CT45A1: variants seen among roughly 807,000 people sequenced by gnomAD.
The protein encoded by CT45A1 is cancer/testis antigen family 45 member A1.
chrX:135,708,672 T>G (rs1172255352), upstream of CT45A1, among the ~76,000 whole-genome samples: 3 of 111,480 alleles, frequency 2.7e-5, no homozygotes, highest in African/African-American at 9.8e-5. Flanking sequence ...CGCTTCGTGT[T>G]CCTTATTTAG....
At chrX:135,718,129 A>AT (rs552593820) in intron 1 of CT45A1, among the ~76,000 whole-genome samples, 24 of 112,198 alleles carry the variant, frequency 2.1e-4, no homozygotes, top group Admixed American at 1.4e-3. Flanking sequence ...TTAAACATTG[A>AT]CCATGTATGA....
chrX:135,716,734 C>A (rs1363606499), intron 1 of CT45A1, among the ~76,000 whole-genome samples: 1 of 111,180 alleles, frequency 9.0e-6, no homozygotes, highest in African/African-American at 3.3e-5. Flanking sequence ...ACATCTTTGC[C>A]TATACTATAG....
At chrX:135,717,728 A>C (rs1275961532) in intron 1 of CT45A1, among the ~76,000 whole-genome samples, 1 of 111,414 alleles carries the variant, frequency 9.0e-6, no homozygotes, top group Non-Finnish European at 1.9e-5. Context: ...TTGAAATCTC[A>C]TATTCTAATT....
chrX:135,711,560 G>A (rs1327612218), upstream of CT45A1, among the ~76,000 whole-genome samples: 7 of 110,926 alleles, frequency 6.3e-5, no homozygotes, highest in Admixed American at 9.6e-5. Context: ...TCTGCCTCCC[G>A]AGTAGCTGGG....
chrX:135,717,883 T>A (rs1444837120), intron 1 of CT45A1, among the ~76,000 whole-genome samples: 2 of 112,099 alleles, frequency 1.8e-5, no homozygotes, highest in African/African-American at 3.2e-5. Context: ...GACAGTTTTA[T>A]TTCTTTCCAA....
chrX:135,709,076 C>A (rs2087921325), upstream of CT45A1, among the ~76,000 whole-genome samples: 1 of 111,939 alleles, frequency 8.9e-6, no homozygotes. Flanking sequence ...AAACATTCAC[C>A]TAATTAATAT....
At chrX:135,713,295 T>C (rs1394104354), upstream of CT45A1, among the ~76,000 whole-genome samples, 2 of 106,044 alleles carry the variant, frequency 1.9e-5, no homozygotes, top group Admixed American at 2.1e-4. Flanking sequence ...CATCCCACTG[T>C]GTGAGAAGGT....
chrX:135,712,822 G>A (rs1346349701), upstream of CT45A1, among the ~76,000 whole-genome samples: 2 of 111,310 alleles, frequency 1.8e-5, no homozygotes, highest in African/African-American at 3.3e-5. Flanking sequence ...GAGCCACAGC[G>A]CCCGTTGGGG....
At chrX:135,715,025 A>G (rs2087966857) in intron 1 of CT45A1, among the ~76,000 whole-genome samples, 1 of 106,983 alleles carries the variant, frequency 9.3e-6, no homozygotes, top group African/African-American at 3.4e-5. Context: ...ATGTACATAT[A>G]TAAAAATACG....
intron 1 of CT45A1, among the ~76,000 whole-genome samples, chrX:135,714,016 G>C (rs1295768895): frequency 9.2e-6 from 1 of 108,549 alleles, no homozygotes; most frequent in East Asian, 2.9e-4. Context: ...TGCCTTGGTT[G>C]CTTGTGTCGG....
intron 1 of CT45A1, among the ~76,000 whole-genome samples, chrX:135,717,442 G>A (rs2501494): frequency 0.19 from 21,243 of 109,648 alleles, 1,676 homozygotes; most frequent in Non-Finnish European, 0.24. Flanking sequence ...TCAGCTACTC[G>A]GGAGGCTGAG....
intron 1 of CT45A1, among the ~76,000 whole-genome samples, chrX:135,716,611 AT>A (rs2087990424): frequency 9.0e-6 from 1 of 111,543 alleles, no homozygotes; most frequent in African/African-American, 3.3e-5. Context: ...TACAAACATG[AT>A]TTGGTTTTTC....
upstream of CT45A1, among the ~76,000 whole-genome samples, chrX:135,712,937 T>TCTTTC (rs782502268): frequency 6.2e-4 from 43 of 69,548 alleles, no homozygotes; most frequent in African/African-American, 2.6e-3. Context: ...TCTTTTCTTT[T>TCTTTC]TTTCTTTCTT....
At chrX:135,708,773 CAGTT>C (rs1304226887), upstream of CT45A1, among the ~76,000 whole-genome samples, 2 of 111,578 alleles carry the variant, frequency 1.8e-5, no homozygotes, top group African/African-American at 3.3e-5. Flanking sequence ...ACGTTTCACT[CAGTT>C]AGAAGGTCCC....
At chrX:135,712,137 G>A (rs2087936934), upstream of CT45A1, among the ~76,000 whole-genome samples, 1 of 101,021 alleles carries the variant, frequency 9.9e-6, no homozygotes, top group Non-Finnish European at 2.0e-5. Context: ...ATGATTAATA[G>A]ATGCAATATA....
chrX:135,713,566 A>G (rs1164650066), upstream of CT45A1: 1 of 736,008 alleles, frequency 1.4e-6, no homozygotes, highest in East Asian at 1.6e-4. Flanking sequence ...CATCACTCCC[A>G]GGTGCCCTAG....
At chrX:135,712,937 T>TTTCTTTCTTTC (rs1556570064), upstream of CT45A1, among the ~76,000 whole-genome samples, 27 of 69,550 alleles carry the variant, frequency 3.9e-4, no homozygotes, top group African/African-American at 1.0e-3. Context: ...TCTTTTCTTT[T>TTTCTTTCTTTC]TTTCTTTCTT....
At chrX:135,715,227 A>G (rs2087969236) in intron 1 of CT45A1, among the ~76,000 whole-genome samples, 1 of 87,843 alleles carries the variant, frequency 1.1e-5, no homozygotes, top group South Asian at 4.9e-4. Flanking sequence ...TTATATATAT[A>G]TAATACTTAT....
chrX:135,715,251 A>ATATATATATAATACT (rs2087970225), intron 1 of CT45A1, among the ~76,000 whole-genome samples: 2 of 80,099 alleles, frequency 2.5e-5, no homozygotes, highest in African/African-American at 5.7e-5. Flanking sequence ...TATAATACTT[A>ATATATATATAATACT]TATATATATA....
Sources: allele counts gnomAD v4.1 joint callset (sites outside exome capture counted in the v4.1 genomes callset), GRCh38; gene constraint gnomAD v4.1.1; transcripts MANE v1.5; gene names NCBI Gene and HGNC (gene_info 2026-07-23, HGNC 2026-07-21).